The following NALCN variants were observed in gnomAD, a reference collection of about 807,000 sequenced individuals.
NALCN encodes the protein sodium leak channel, non-selective, also known as sodium leak channel NALCN.
A neutral mutation model predicts 225.3 loss-of-function variants in NALCN; 111 were observed. The observed-to-expected ratio is 0.49, with a 90% CI of 0.42 to 0.58. The LOEUF is 0.58. NALCN is among the 20% of genes least tolerant of loss of function. NALCN has a pLI of 0.00. For synonymous variants in NALCN, 764 were observed against 769.0 expected, an observed-to-expected ratio of 0.99 and a Z score of 0.11; for missense variants, 1,378 against 2,202.4, an observed-to-expected ratio of 0.63 and a Z score of 7.49.
chr13:101,299,119 A>G (rs572065713), intron 7 of NALCN, among the ~76,000 whole-genome samples: 110 of 152,364 alleles, frequency 7.2e-4, no homozygotes, highest in Admixed American at 2.3e-3. Flanking sequence ...CACAGTAGAC[A>G]GCTCAATAGT....
At position 101,055,472 on chromosome 13, in the gene NALCN, G is replaced by C. The variant is rs2031105788; in HGVS notation, c.5040C>G (p.Ser1680Arg). 1 of 1,613,974 alleles carries C rather than the reference G, an allele frequency of 6.2e-7. No homozygotes were observed. Among genetic ancestry groups the C allele is most frequent in the Non-Finnish European group, 8.5e-7 (1 of 1,179,958 alleles). ...GTAAGTTGACTGAGGACACTGAATG[G>C]CTTATTGGTTTTGGGGCTGTGGAAT... is the stretch of plus-strand genomic sequence containing the variant. ...WRLPSAPKPISHSVSSVNLRF... is the reference protein window; with the variant it reads ...WRLPSAPKPIRHSVSSVNLRF... Residue 1680 changes from serine (S) to arginine (R), a missense_variant, in exon 44 of 44, where the codon AGC (serine) becomes AGG (arginine). By Grantham distance (110) the Ser-to-Arg change is moderately radical. Coordinates refer to ENST00000251127, the MANE Select transcript of NALCN (RefSeq NM_052867.4).
At chr13:101,096,289 AT>A (rs1258200839) in intron 27 of NALCN, among the ~76,000 whole-genome samples, 1 of 152,216 alleles carries the variant, frequency 6.6e-6, no homozygotes, top group East Asian at 1.9e-4. Context: ...TATAAGCATT[AT>A]TCACAATAGC....
chr13:101,236,274 A>G (rs1156664540), intron 12 of NALCN, among the ~76,000 whole-genome samples: 6 of 152,204 alleles, frequency 3.9e-5, no homozygotes. Context: ...CAGGTGCTGG[A>G]GAGGATGTGG....
Position 101,292,591 on chromosome 13 carries a change from A to T in NALCN, c.800-225T>A, listed in dbSNP as rs1037991349. On this transcript the variant is annotated intron_variant, in intron 7 of 43. Transcript: ENST00000251127. This position sits in a 1 kb window ranked among gnomAD's most constrained non-coding sequence, Gnocchi z 4.3. ...TAATTTCAACATCTAACAATAAAATAATTTGATATTATACCTTTAGCTGTT... is the reference window on the plus strand; with the variant it reads ...TAATTTCAACATCTAACAATAAAATTATTTGATATTATACCTTTAGCTGTT... Among the ~76,000 whole-genome samples, 7 of 152,236 alleles carry T rather than the reference A, an allele frequency of 4.6e-5. No individual in the cohort carries two copies. The highest frequency in any genetic ancestry group is 1.7e-4 in the African/African-American group (7 of 41,470).
At position 101,104,348 on chromosome 13, in the gene NALCN, G is replaced by C; in HGVS notation, c.2836C>G (p.Pro946Ala). Residue 946 changes from proline (P) to alanine (A), a missense_variant, in exon 25 of 44, where the codon CCA (proline) becomes GCA (alanine). By Grantham distance (27) the Pro-to-Ala change is conservative (BLOSUM62 -1). Around this residue, in one of 19 missense-constraint regions of NALCN, gnomAD observed 292 missense variants for 409.5 expected, o/e 0.71. Coordinates refer to ENST00000251127, the MANE Select transcript of NALCN (RefSeq NM_052867.4). This position sits in a 1 kb window ranked among gnomAD's most constrained non-coding sequence, Gnocchi z 4.2. ...KIMADGLFFT[P>A]TAVIRDFGGV... The stretch of plus-strand genomic sequence containing the variant: ...CCGAAGTCCCTGATGACAGCAGTTG[G>C]AGTGAAAAATAAGCCATCTGCCATA... 1 of 1,613,796 alleles carries C rather than the reference G, an allele frequency of 6.2e-7. No individual in the cohort carries two copies. Among genetic ancestry groups the C allele is most frequent in the Non-Finnish European group, 8.5e-7 (1 of 1,179,838 alleles).
At chr13:101,228,570 T>C (rs540050810) in intron 13 of NALCN, among the ~76,000 whole-genome samples, 1 of 152,318 alleles carries the variant, frequency 6.6e-6, no homozygotes, top group East Asian at 1.9e-4. Context: ...TCATTCTCTC[T>C]TGCCTGCCAC....
At chr13:101,205,663 C>G (rs558142370) in intron 13 of NALCN, among the ~76,000 whole-genome samples, 1 of 152,226 alleles carries the variant, frequency 6.6e-6, no homozygotes, top group South Asian at 2.1e-4. Flanking sequence ...AACAGACTGT[C>G]AAGTTTCTTG....
At chr13:101,376,374 G>A (rs1441857909) in intron 6 of NALCN, among the ~76,000 whole-genome samples, 2 of 151,890 alleles carry the variant, frequency 1.3e-5, no homozygotes, top group Non-Finnish European at 2.9e-5. Flanking sequence ...AAAATTAGTC[G>A]GGCATGGTGG....
chr13:101,130,963 G>A (rs535846320), intron 17 of NALCN, among the ~76,000 whole-genome samples: 2 of 151,920 alleles, frequency 1.3e-5, no homozygotes, highest in African/African-American at 2.4e-5. Context: ...TGCAGATGTC[G>A]GATTTTTGAC....
chr13:101,382,685 A>T (rs2046883872), intron 3 of NALCN, among the ~76,000 whole-genome samples: 1 of 152,218 alleles, frequency 6.6e-6, no homozygotes, highest in Non-Finnish European at 1.5e-5. Flanking sequence ...AATTAGAAGC[A>T]TACAAACATC....
chr13:101,090,074 GTATATACACACACA>G (rs1488461912), intron 28 of NALCN, 108 bp from the exon 29 acceptor site: 82 of 1,368,880 alleles, frequency 6.0e-5, no homozygotes, highest in Non-Finnish European at 7.6e-5. Context: ...GTGTGTGTGT[GTATATACACACACA>G]TATATACACA....
intron 1 of NALCN, among the ~76,000 whole-genome samples, chr13:101,402,209 T>C (rs1487449729): frequency 6.6e-6 from 1 of 152,208 alleles, no homozygotes; most frequent in Admixed American, 6.5e-5. Flanking sequence ...GTACACAAAG[T>C]TTGAAAAACA....
chr13:101,377,574 G>A (rs796497486), intron 4 of NALCN, among the ~76,000 whole-genome samples: 8 of 152,096 alleles, frequency 5.3e-5, no homozygotes, highest in African/African-American at 1.9e-4. Flanking sequence ...AAAAATATAT[G>A]AGTGATGAAA....
intron 11 of NALCN, among the ~76,000 whole-genome samples, chr13:101,239,590 T>C (rs1442525196): frequency 6.6e-6 from 1 of 152,018 alleles, no homozygotes; most frequent in Non-Finnish European, 1.5e-5. Flanking sequence ...GTTCAATGTT[T>C]ATGTAACTCA....
intron 17 of NALCN, among the ~76,000 whole-genome samples, chr13:101,127,174 T>C (rs2036275179): frequency 1.3e-5 from 2 of 152,246 alleles, no homozygotes; most frequent in Non-Finnish European, 2.9e-5. Context: ...AAATGATTTC[T>C]GCCCTGCACA....
At chr13:101,229,959 A>G (rs914165217) in intron 12 of NALCN, among the ~76,000 whole-genome samples, 1 of 152,174 alleles carries the variant, frequency 6.6e-6, no homozygotes, top group Non-Finnish European at 1.5e-5. Flanking sequence ...TTGAGTGCTG[A>G]TATGAGGCCA....
At chr13:101,399,747 CTACTCTGAA>C (rs1159300954) in intron 1 of NALCN, among the ~76,000 whole-genome samples, 1 of 152,172 alleles carries the variant, frequency 6.6e-6, no homozygotes, top group Non-Finnish European at 1.5e-5. Context: ...ATTCTTCCAG[CTACTCTGAA>C]GTAAATTGTT....
chr13:101,280,162 C>T (rs1408393087), intron 10 of NALCN, among the ~76,000 whole-genome samples: 1 of 152,180 alleles, frequency 6.6e-6, no homozygotes, highest in African/African-American at 2.4e-5. Context: ...TCTTGGCCAT[C>T]CCACTTTTCT....
At chr13:101,200,815 C>A (rs960519362) in intron 13 of NALCN, among the ~76,000 whole-genome samples, 1 of 152,126 alleles carries the variant, frequency 6.6e-6, no homozygotes, top group Non-Finnish European at 1.5e-5. Context: ...AATAAACAGG[C>A]TGAAAGATCA....
Sources: allele counts gnomAD v4.1 joint callset (sites outside exome capture counted in the v4.1 genomes callset), GRCh38; gene constraint gnomAD v4.1.1; regional missense constraint gnomAD v4.1.1; non-coding constraint Gnocchi (gnomAD v3.1); transcripts MANE v1.5; gene names NCBI Gene and HGNC (gene_info 2026-07-23, HGNC 2026-07-21).